Variants in MYLK observed in about 807,000 individuals in gnomAD.
MYLK encodes myosin light chain kinase.
A neutral mutation model predicts 203.4 loss-of-function variants in MYLK; 106 were observed. That is an observed-to-expected ratio of 0.52 (90% CI 0.45 to 0.61). MYLK has a LOEUF of 0.61. Among genes scored for constraint, MYLK ranks in the 20% least tolerant of loss-of-function variants. MYLK has a pLI of 0.00. For synonymous variants in MYLK, 867 were observed against 959.5 expected (o/e 0.90, Z 1.78); for missense variants, 2,072 against 2,442.3 (o/e 0.85, Z 3.20).
chr3:123,752,273 G>C, intron 5 of MYLK, 58 bp downstream of exon 5: 1 of 1,558,212 alleles, frequency 6.4e-7, no homozygotes, highest in Non-Finnish European at 8.8e-7. Flanking sequence ...AGGAGCTGCA[G>C]GCCTTGGGGT....
intron 4 of MYLK, among the ~76,000 whole-genome samples, chr3:123,781,990 G>A (rs948863419): frequency 2.0e-5 from 3 of 152,156 alleles, no homozygotes; most frequent in Admixed American, 2.0e-4. Flanking sequence ...GCACCGAGGT[G>A]TGTTTTATAA....
intron 23 of MYLK, 151 bp from the exon 24 acceptor site, chr3:123,657,579 CAGTT>C (rs1175937835): frequency 9.4e-6 from 7 of 744,290 alleles, no homozygotes; most frequent in African/African-American, 1.8e-5. Context: ...CCGCACATCA[CAGTT>C]AGAGCTATGT....
chr3:123,712,245 C>T (rs1280214756), intron 13 of MYLK, among the ~76,000 whole-genome samples: 2 of 152,236 alleles, frequency 1.3e-5, no homozygotes, highest in Non-Finnish European at 2.9e-5. Context: ...TCTCGTTTCT[C>T]TCACTAGGCT....
intron 13 of MYLK, chr3:123,715,755 C>T (rs555452147): frequency 3.9e-5 from 6 of 152,162 alleles, no homozygotes; most frequent in South Asian, 2.1e-4. Context: ...CAATAATTCT[C>T]CTGTCTTCCC....
At chr3:123,804,154 C>T (rs1405561182) in intron 3 of MYLK, among the ~76,000 whole-genome samples, 1 of 152,180 alleles carries the variant, frequency 6.6e-6, no homozygotes, top group African/African-American at 2.4e-5. Context: ...TACTCCCTGT[C>T]TTTCAATCAC....
intron 2 of MYLK, among the ~76,000 whole-genome samples, chr3:123,855,703 G>A (rs1241827613): frequency 6.6e-6 from 1 of 151,908 alleles, no homozygotes; most frequent in Non-Finnish European, 1.5e-5. Flanking sequence ...AAAGGAGAAG[G>A]AGATCATCTG....
At chr3:123,665,357 GACA>G (rs1028417100) in intron 22 of MYLK, among the ~76,000 whole-genome samples, 1 of 152,198 alleles carries the variant, frequency 6.6e-6, no homozygotes, top group Non-Finnish European at 1.5e-5. Context: ...TCTTATTTCA[GACA>G]ACAGTAGTCC....
rs771131171 is a variant in MYLK at position 123,709,859 on chromosome 3, C to A, written c.1839G>T (p.Leu613=). Residue 613 remains leucine (L), a synonymous_variant, in exon 14 of 34, where the codon CTG becomes CTT. Coordinates refer to ENST00000360304, the MANE Select transcript of MYLK (RefSeq NM_053025.4). ...KKSSRKSEYL[L]PVAPSKPTAP... ...CAGTGGGCTTGCTGGGAGCCACAGG[C>A]AGAAGGTACTCACTCTTCCTGCTAC... is the stretch of plus-strand genomic sequence containing the variant. The A allele has an allele frequency of 9.3e-6, 15 of 1,614,042 alleles. No individual in the cohort carries two copies. The highest frequency in any genetic ancestry group is 6.7e-5 in the Admixed American group (4 of 60,008).
At chr3:123,635,036 G>A (rs1044813058) in intron 29 of MYLK, among the ~76,000 whole-genome samples, 1 of 152,254 alleles carries the variant, frequency 6.6e-6, no homozygotes. Flanking sequence ...GCTGGGCTGG[G>A]TGGGAGAGAG....
intron 1 of MYLK, among the ~76,000 whole-genome samples, chr3:123,882,081 C>T (rs1408881733): frequency 6.6e-6 from 1 of 152,244 alleles, no homozygotes; most frequent in Admixed American, 6.5e-5. Flanking sequence ...GATCTGGCCC[C>T]TGGGGAAGCA....
chr3:123,709,805 A>T lies in MYLK; in HGVS notation c.1893T>A (p.Asp631Glu). ...TAPIFLQGLS[D>E]LKVMDGSQVT... ...CCTGGCTTCCATCCATGACTTTGAG[A>T]TCAGAGAGGCCCTGCAGGAAGATGG... The change falls in exon 14 of 34, where the codon GAT (aspartate) becomes GAA (glutamate). Residue 631 changes from aspartate (D) to glutamate (E), a missense_variant. By Grantham distance (45) the Asp-to-Glu change is conservative. Around this residue, in one of 3 missense-constraint regions of MYLK, gnomAD observed 865 missense variants for 1,016.0 expected, o/e 0.85. Transcript: ENST00000360304. 6.2e-7 allele frequency: 1 copy of T among 1,614,194 alleles called. No homozygotes were observed.
At chr3:123,790,223 A>G (rs919733792) in intron 4 of MYLK, among the ~76,000 whole-genome samples, 2 of 152,246 alleles carry the variant, frequency 1.3e-5, no homozygotes, top group Non-Finnish European at 2.9e-5. Flanking sequence ...AGGGTGAAAT[A>G]TGAGAGCACC....
chr3:123,632,262 G>C (rs557101779), intron 29 of MYLK, among the ~76,000 whole-genome samples: 4 of 152,130 alleles, frequency 2.6e-5, no homozygotes, highest in African/African-American at 9.6e-5. Context: ...CGACCCCCAC[G>C]TGGCCCATGC....
intron 16 of MYLK, among the ~76,000 whole-genome samples, chr3:123,704,030 C>T (rs2061353486): frequency 6.6e-6 from 1 of 152,344 alleles, no homozygotes; most frequent in Admixed American, 6.5e-5. Flanking sequence ...CTGTCACTTT[C>T]CATGACCTGT....
intron 2 of MYLK, among the ~76,000 whole-genome samples, chr3:123,853,798 C>T (rs2031089671): frequency 1.3e-5 from 2 of 152,026 alleles, no homozygotes; most frequent in Admixed American, 6.6e-5. Flanking sequence ...AGAAATGAGG[C>T]CAAAGAGCAG....
At chr3:123,668,517 G>A (rs1330413490) in intron 20 of MYLK, among the ~76,000 whole-genome samples, 1 of 151,946 alleles carries the variant, frequency 6.6e-6, no homozygotes, top group Non-Finnish European at 1.5e-5. Flanking sequence ...GGGTGGGGGA[G>A]GGGTGGGCTG....
chr3:123,666,096 T>C lies in MYLK; in HGVS notation c.3831+123A>G, dbSNP rs935531328. The C allele has an allele frequency of 5.4e-6, 8 of 1,490,002 alleles. 1 individual carries two copies. Among genetic ancestry groups the C allele is most frequent in the East Asian group, 2.3e-5 (1 of 44,036 alleles). The allele number at this position is 1,490,002 out of a possible 1,614,324, so 92.3% of individuals were successfully genotyped here. ...GAGCGATGGGTAGGGGAGTGGCCTC[T>C]CCCATTTCTAAAGCTACGAAGAGTG... On this transcript the variant is annotated intron_variant, in intron 22 of 33. Coordinates refer to ENST00000360304, the MANE Select transcript of MYLK (RefSeq NM_053025.4).
chr3:123,823,610 C>T (rs1405876929), intron 3 of MYLK, among the ~76,000 whole-genome samples: 1 of 152,188 alleles, frequency 6.6e-6, no homozygotes, highest in Non-Finnish European at 1.5e-5. Context: ...ACCACTGTAG[C>T]AGTCTCCTAT....
At chr3:123,678,046 T>A (rs1288299557) in intron 20 of MYLK, among the ~76,000 whole-genome samples, 1 of 151,290 alleles carries the variant, frequency 6.6e-6, no homozygotes, top group Non-Finnish European at 1.5e-5. Context: ...ACAGGGCAGT[T>A]TAGTTCTCTG....
Sources: gnomAD v4.1 joint callset for allele counts (sites outside exome capture counted in the v4.1 genomes callset) on GRCh38, gnomAD v4.1.1 for gene constraint, gnomAD v4.1.1 regional missense constraint, MANE v1.5 for transcripts, NCBI Gene and HGNC (gene_info 2026-07-23, HGNC 2026-07-21) for gene names.